EPHA3: variants seen among roughly 807,000 people sequenced by gnomAD.
EPHA3 encodes EPH receptor A3.
Under a neutral mutation model 107.1 loss-of-function variants are expected in EPHA3, and 42 were observed. That is an observed-to-expected ratio of 0.39 (90% CI 0.31 to 0.51). The LOEUF (loss-of-function observed/expected upper bound fraction) is 0.51, where lower values mean the gene tolerates loss of function less well. Ranked by LOEUF, EPHA3 falls within the 20% of genes least tolerant of loss-of-function variation. The pLI, the probability that EPHA3 is intolerant of heterozygous loss-of-function variation, is 0.78. For synonymous variants in EPHA3, 461 were observed against 424.8 expected, an observed-to-expected ratio of 1.09 and a Z score of -1.05; for missense variants, 1,183 against 1,211.2, an observed-to-expected ratio of 0.98 and a Z score of 0.35.
At chr3:89,333,758 G>C (rs1707339881) in intron 3 of EPHA3, among the ~76,000 whole-genome samples, 2 of 151,990 alleles carry the variant, frequency 1.3e-5, no homozygotes, top group Non-Finnish European at 2.9e-5. Context: ...TGTAGTCCCA[G>C]CTACCTGGGA....
At chr3:89,452,246 G>A (rs1023531532) in intron 15 of EPHA3, among the ~76,000 whole-genome samples, 5 of 152,026 alleles carry the variant, frequency 3.3e-5, no homozygotes, top group African/African-American at 9.7e-5. Context: ...TGGATCATAT[G>A]GTGATTCTAT....
intron 11 of EPHA3, among the ~76,000 whole-genome samples, chr3:89,424,102 TATA>T (rs753616444): frequency 5.9e-5 from 9 of 151,374 alleles, no homozygotes; most frequent in Non-Finnish European, 7.4e-5. Context: ...TATCAGAAAG[TATA>T]ATAACATTAT....
chr3:89,274,315 CTGTTA>C (rs1336170805), intron 3 of EPHA3, among the ~76,000 whole-genome samples: 1 of 151,908 alleles, frequency 6.6e-6, no homozygotes, highest in South Asian at 2.1e-4. Flanking sequence ...CATTCCATCT[CTGTTA>C]TGTCAGTACT....
intron 5 of EPHA3, among the ~76,000 whole-genome samples, chr3:89,350,942 C>G (rs1386520732): frequency 1.3e-5 from 2 of 151,420 alleles, no homozygotes; most frequent in African/African-American, 2.4e-5. Context: ...GGTCAGGGGT[C>G]AGGGACCCAC....
intron 2 of EPHA3, among the ~76,000 whole-genome samples, chr3:89,167,480 A>G (rs568807516): frequency 6.6e-6 from 1 of 152,202 alleles, no homozygotes; most frequent in Admixed American, 6.5e-5. Context: ...CTATGTGGGG[A>G]GAAATAACAT....
chr3:89,379,037 C>A (rs1156450062), intron 5 of EPHA3, among the ~76,000 whole-genome samples: 4 of 151,846 alleles, frequency 2.6e-5, no homozygotes. Flanking sequence ...ATAAATTAAT[C>A]CTGTGTGCTG....
At chr3:89,377,279 C>T (rs900858161) in intron 5 of EPHA3, among the ~76,000 whole-genome samples, 3 of 151,994 alleles carry the variant, frequency 2.0e-5, no homozygotes, top group Non-Finnish European at 4.4e-5. Context: ...GCATCAGATG[C>T]TTTATATTGA....
At chr3:89,288,345 C>T (rs772476103) in intron 3 of EPHA3, among the ~76,000 whole-genome samples, 1 of 152,196 alleles carries the variant, frequency 6.6e-6, no homozygotes, top group East Asian at 1.9e-4. Flanking sequence ...TGGTAATATG[C>T]CTTCCTGACA....
chr3:89,344,420 A>G (rs1178954898), intron 5 of EPHA3, among the ~76,000 whole-genome samples: 5 of 152,246 alleles, frequency 3.3e-5, no homozygotes, highest in Admixed American at 1.3e-4. Context: ...TAATGTGTTT[A>G]TAATATGCAC....
At chr3:89,328,481 T>A (rs1707219218) in intron 3 of EPHA3, among the ~76,000 whole-genome samples, 1 of 152,184 alleles carries the variant, frequency 6.6e-6, no homozygotes, top group African/African-American at 2.4e-5. Context: ...GGTAATCAAT[T>A]TCCCTGTGTG....
intron 2 of EPHA3, among the ~76,000 whole-genome samples, chr3:89,144,002 A>C (rs1407701017): frequency 3.3e-5 from 5 of 151,562 alleles, no homozygotes; most frequent in South Asian, 4.1e-4. Context: ...ATTTACCCCC[A>C]CAGTTTCCTC....
rs1186264204 is a variant in EPHA3, at chr3:89,361,202, G to T, written c.1306+19112G>T. Among the ~76,000 whole-genome samples the T allele has an allele frequency of 2.0e-5, 3 of 150,920 alleles. 1 individual carries two copies. The highest frequency in any genetic ancestry group is 4.4e-5 in the Non-Finnish European group (3 of 67,420). On this transcript the variant is annotated intron_variant, in intron 5 of 16. Transcript: ENST00000336596. Reference sequence around the variant, plus strand: ...TAGTGTTGCCCAAGGTACAGAGAAGGCCTTCTTGTATCCTTTGCCTTTCTT... The same window carrying T: ...TAGTGTTGCCCAAGGTACAGAGAAGTCCTTCTTGTATCCTTTGCCTTTCTT...
rs548438856 is a variant in EPHA3, at chr3:89,178,537, T to C, written c.154-31323T>C. On this transcript the variant is annotated intron_variant, in intron 2 of 16. Transcript: ENST00000336596. ...AGTCCTTGGGGAATAATAGCTCCTG[T>C]GAATCCATTATTTATTACTGTAGAT... is the stretch of plus-strand genomic sequence containing the variant. Among the ~76,000 whole-genome samples the C allele has an allele frequency of 4.6e-5, 7 of 152,148 alleles. No individual in the cohort carries two copies. In the South Asian group the frequency reaches 1.5e-3, roughly 32 times the overall value.
chr3:89,243,473 T>A (rs1020911955), intron 3 of EPHA3, among the ~76,000 whole-genome samples: 22 of 152,316 alleles, frequency 1.4e-4, no homozygotes, highest in Non-Finnish European at 2.5e-4. Context: ...GGTATCTCAT[T>A]GTGGTTTTGA....
chr3:89,376,113 TA>T (rs1291599335), intron 5 of EPHA3, among the ~76,000 whole-genome samples: 1 of 151,856 alleles, frequency 6.6e-6, no homozygotes, highest in Non-Finnish European at 1.5e-5. Context: ...AAGGAACACA[TA>T]AAGAGATATT....
chr3:89,371,903 A>G (rs1188840853), intron 5 of EPHA3, among the ~76,000 whole-genome samples: 1 of 151,646 alleles, frequency 6.6e-6, no homozygotes, highest in African/African-American at 2.4e-5. Flanking sequence ...AGTTACTAGA[A>G]TAAGTCTGGA....
chr3:89,135,908 A>G (rs1358211321), intron 2 of EPHA3, among the ~76,000 whole-genome samples: 1 of 152,130 alleles, frequency 6.6e-6, no homozygotes, highest in Non-Finnish European at 1.5e-5. Flanking sequence ...AGGAATGAAA[A>G]TAATAAAAAT....
At position 89,372,133 on chromosome 3, in the gene EPHA3, A is replaced by T. The variant is rs145094944; in HGVS notation, c.1307-23704A>T. 8.5e-4 allele frequency among the ~76,000 whole-genome samples: 129 copies of T among 151,784 alleles called. 1 individual carries two copies. The highest frequency in any genetic ancestry group is 1.5e-3 in the South Asian group (7 of 4,820). On this transcript the variant is annotated intron_variant, in intron 5 of 16. Coordinates refer to ENST00000336596, the MANE Select transcript of EPHA3 (RefSeq NM_005233.6). ...ACATTCCGATAAAATTGGCATTGAC[A>T]TTTGCCCATCTTGGAATCTATGGAT...
intron 3 of EPHA3, among the ~76,000 whole-genome samples, chr3:89,216,405 A>G (rs1704223783): frequency 6.6e-6 from 1 of 151,778 alleles, no homozygotes; most frequent in Non-Finnish European, 1.5e-5. Flanking sequence ...AGAAAAAGAC[A>G]TATCTAAACT....
Sources: allele counts gnomAD v4.1 joint callset (sites outside exome capture counted in the v4.1 genomes callset), GRCh38; gene constraint gnomAD v4.1.1; transcripts MANE v1.5; gene names NCBI Gene and HGNC (gene_info 2026-07-23, HGNC 2026-07-21).